Variants in EZR observed in about 807,000 individuals in gnomAD.
EZR encodes ezrin.
Under a neutral mutation model 74.8 loss-of-function variants are expected in EZR, and 40 were observed. The observed-to-expected ratio is 0.53, with a 90% CI of 0.42 to 0.70. EZR has a LOEUF of 0.70. Among genes scored for constraint, EZR ranks in the 30% least tolerant of loss-of-function variants. EZR has a pLI of 0.00. For missense variants in EZR, 678 were observed against 755.8 expected (o/e 0.90, Z 1.21); for synonymous variants, 341 against 283.3 (o/e 1.20, Z -2.05).
At chr6:158,774,885 G>T (rs561407323) in intron 8 of EZR, among the ~76,000 whole-genome samples, 53 of 152,160 alleles carry the variant, frequency 3.5e-4, no homozygotes, top group African/African-American at 1.3e-3. Flanking sequence ...CAAGTGACAT[G>T]AAGACGCTAT....
At chr6:158,790,027 C>A (rs1468078128) in intron 2 of EZR, among the ~76,000 whole-genome samples, 2 of 152,168 alleles carry the variant, frequency 1.3e-5, no homozygotes, top group Admixed American at 1.3e-4. Flanking sequence ...GCTCCCAAGG[C>A]ACCAAGGAAG....
chr6:158,812,435 G>C (rs901003874), intron 2 of EZR, among the ~76,000 whole-genome samples: 2 of 152,190 alleles, frequency 1.3e-5, no homozygotes, highest in African/African-American at 4.8e-5. Flanking sequence ...AGAGATGGAA[G>C]TCATTAGTTC....
chr6:158,774,184 C>T (rs1791201144), intron 8 of EZR, among the ~76,000 whole-genome samples: 1 of 152,164 alleles, frequency 6.6e-6, no homozygotes, highest in African/African-American at 2.4e-5. Context: ...TGAACTTCTT[C>T]TGCCCAAAGT....
At chr6:158,806,534 T>G (rs1032394616) in intron 2 of EZR, among the ~76,000 whole-genome samples, 4 of 151,040 alleles carry the variant, frequency 2.6e-5, no homozygotes, top group Non-Finnish European at 5.9e-5. Flanking sequence ...ATTTCACTTG[T>G]AAAAACTTCA....
At chr6:158,790,547 G>A (rs776017854) in intron 2 of EZR, among the ~76,000 whole-genome samples, 8 of 152,186 alleles carry the variant, frequency 5.3e-5, no homozygotes, top group Non-Finnish European at 1.0e-4. Context: ...AGTGGCGCAC[G>A]CCTGTAGTCC....
intron 7 of EZR, among the ~76,000 whole-genome samples, chr6:158,782,113 CGA>C (rs2128569262): frequency 6.6e-6 from 1 of 152,084 alleles, no homozygotes; most frequent in Admixed American, 6.5e-5. Flanking sequence ...AGGAGCGAAC[CGA>C]GAGTCCTCAA....
chr6:158,792,412 A>G (rs766532581), intron 2 of EZR, among the ~76,000 whole-genome samples: 2 of 152,154 alleles, frequency 1.3e-5, no homozygotes, highest in Non-Finnish European at 2.9e-5. Context: ...GGGTTTCACC[A>G]TGTTGGCCAG....
rs745976023 is a variant in EZR at position 158,785,512 on chromosome 6, A to G, written c.264T>C (p.Asp88=). Residue 88 remains aspartate (D), a synonymous_variant, in exon 5 of 14, where the codon GAT becomes GAC. Coordinates refer to ENST00000367075, the MANE Select transcript of EZR (RefSeq NM_001111077.2). Reference sequence around the variant, plus strand: ...TGTCCTGGATGAGCTCCTCAGCCACATCTTCAGGGTAGAACTTGGCCCGGA... The same window carrying G: ...TGTCCTGGATGAGCTCCTCAGCCACGTCTTCAGGGTAGAACTTGGCCCGGA... ...FKFRAKFYPE[D]VAEELIQDIT... 3 of 1,614,196 alleles carry G rather than the reference A, an allele frequency of 1.9e-6. No homozygotes were observed. The East Asian group carries it at 6.7e-5, about 36-fold the overall frequency.
At chr6:158,785,907 C>T (rs1017243463) in intron 4 of EZR, among the ~76,000 whole-genome samples, 2 of 151,924 alleles carry the variant, frequency 1.3e-5, no homozygotes, top group Admixed American at 1.3e-4. Context: ...AAAAAGTTAG[C>T]TGGGGATGGT....
rs2128570288 is a variant in EZR, at chr6:158,785,425, G to A, written c.351C>T (p.Cys117=). The A allele has an allele frequency of 6.2e-7, 1 of 1,614,188 alleles. No homozygotes were observed. The highest frequency in any genetic ancestry group is 2.2e-5 in the East Asian group (1 of 44,878). ...CCAAGAGCACGGCAGTCTCAGGGGG[G>A]CAGTAGATCTCATCGCTAAGGATTC... ...KEGILSDEIY[C]PPETAVLLGS... The change falls in exon 5 of 14, where the codon TGC becomes TGT. Residue 117 remains cysteine (C), a synonymous_variant. Coordinates refer to ENST00000367075, the MANE Select transcript of EZR (RefSeq NM_001111077.2).
At chr6:158,780,880 G>C (rs551562867) in intron 7 of EZR, among the ~76,000 whole-genome samples, 1 of 152,282 alleles carries the variant, frequency 6.6e-6, no homozygotes, top group South Asian at 2.1e-4. Context: ...CCTATTCCAA[G>C]CTAAGGGTTT....
rs1790771072 is a variant in EZR at position 158,766,032 on chromosome 6, CACT to C, written c.*879_*881del. On this transcript the variant is annotated 3_prime_UTR_variant, in exon 14 of 14. Transcript: ENST00000367075. Reference sequence around the variant, plus strand: ...TGCATAGTCCATTACATGCATAAAACACTAATAATAATCCTGTTTACACGTGAC... The same window carrying C: ...TGCATAGTCCATTACATGCATAAAACAATAATAATCCTGTTTACACGTGAC... 6.6e-6 allele frequency: 1 copy of C among 152,618 alleles called. No individual in the cohort carries two copies. The highest frequency in any genetic ancestry group is 2.4e-5 in the African/African-American group (1 of 41,432). The allele number at this position is 152,618 out of a possible 1,614,324, so 9.5% of individuals were successfully genotyped here.
Position 158,787,369 on chromosome 6 carries a change from TACTA to T in EZR, c.97-170_97-167del, listed in dbSNP as rs773838878. 5.9e-5 allele frequency among the ~76,000 whole-genome samples: 9 copies of T among 152,334 alleles called. No homozygotes were observed. In the East Asian group the frequency reaches 9.6e-4, roughly 16 times the overall value. ...CTTTTTTTGCACTCAAATAACTTGT[TACTA>T]ACTGAGGCTATTATCTCAAAGCCAT... On this transcript the variant is annotated intron_variant, in intron 3 of 13. Coordinates refer to ENST00000367075, the MANE Select transcript of EZR (RefSeq NM_001111077.2).
At chr6:158,793,794 T>C (rs1791804281) in intron 2 of EZR, among the ~76,000 whole-genome samples, 1 of 152,230 alleles carries the variant, frequency 6.6e-6, no homozygotes, top group African/African-American at 2.4e-5. Context: ...AGCATGGCAC[T>C]GCCTTACCCT....
chr6:158,769,507 A>C lies in EZR; in HGVS notation c.1252-89T>G, dbSNP rs1034623418. On this transcript the variant is annotated intron_variant, in intron 11 of 13. Transcript: ENST00000367075. ...TGAGTGTTCATGTGTGTTGGCAAGC[A>C]GTCTCCAACGTGACACCTGAGTCCC... 3 of 1,349,934 alleles carry C rather than the reference A, an allele frequency of 2.2e-6. No homozygotes were observed. In the African/African-American group the frequency reaches 4.3e-5, roughly 19 times the overall value. The allele number at this position is 1,349,934 out of a possible 1,614,324, so 83.6% of individuals were successfully genotyped here.
chr6:158,805,337 GAAAAAAAA>G (rs56269785), intron 2 of EZR, among the ~76,000 whole-genome samples: 13 of 116,912 alleles, frequency 1.1e-4, no homozygotes, highest in Admixed American at 3.0e-4. Flanking sequence ...TCCATCTCAG[GAAAAAAAA>G]AAAAAAAAAA....
chr6:158,817,848 G>C (rs1404219872), intron 2 of EZR, among the ~76,000 whole-genome samples: 5 of 152,092 alleles, frequency 3.3e-5, no homozygotes, highest in African/African-American at 1.2e-4. Context: ...TACTGGGGAG[G>C]GGGCTCACAA....
chr6:158,802,793 G>C (rs1777216160), intron 2 of EZR, among the ~76,000 whole-genome samples: 1 of 152,178 alleles, frequency 6.6e-6, no homozygotes, highest in Non-Finnish European at 1.5e-5. Flanking sequence ...GCCTCCCAAA[G>C]TGCTGGGATT....
rs1790929399 is a variant in EZR, at chr6:158,767,502, GCTT to G, written c.1352_1354del (p.Glu451del). The G allele has an allele frequency of 6.3e-7, 1 of 1,588,198 alleles. No individual in the cohort carries two copies. Among genetic ancestry groups the G allele is most frequent in the Non-Finnish European group, 8.6e-7 (1 of 1,165,656 alleles). On this transcript the variant is annotated inframe_deletion, in exon 13 of 14. Transcript: ENST00000367075. ...CTTGGTCTTCACCAGGTCATCCTGG[GCTT>G]CTTTGGCCTTTGGAAAGCAAATTAA...
Sources: gnomAD v4.1 joint callset for allele counts (sites outside exome capture counted in the v4.1 genomes callset) on GRCh38, gnomAD v4.1.1 for gene constraint, MANE v1.5 for transcripts, NCBI Gene and HGNC (gene_info 2026-07-23, HGNC 2026-07-21) for gene names.